Variants in TAF7L observed in about 807,000 individuals in gnomAD.
TAF7L encodes transcription initiation factor TFIID subunit 7-like.
TAF7L carries 6 observed loss-of-function variants against 30.2 expected under a neutral mutation model. The ratio of observed to expected loss-of-function variants is 0.20; its 90% confidence interval spans 0.11 to 0.39. The LOEUF (loss-of-function observed/expected upper bound fraction) is 0.39, where lower values mean the gene tolerates loss of function less well. Among genes scored for constraint, TAF7L ranks in the 10% least tolerant of loss-of-function variants. The pLI is 1.00. For missense variants in TAF7L, 284 were observed against 277.1 expected (o/e 1.03, Z -0.18); for synonymous variants, 93 against 94.5 (o/e 0.98, Z 0.09).
chrX:101,292,908 G>A, upstream of TAF7L: 3 of 1,211,295 alleles, frequency 2.5e-6, no homozygotes, highest in South Asian at 3.5e-5. Context: ...CAATGTCGGC[G>A]CTGCTTTCAT....
intron 12 of TAF7L, among the ~76,000 whole-genome samples, chrX:101,274,008 A>G (rs1002982792): frequency 8.9e-6 from 1 of 111,899 alleles, no homozygotes; most frequent in Non-Finnish European, 1.9e-5. Context: ...ATATTTGTAT[A>G]ATTTGTTTAT....
chrX:101,277,564 C>T (rs185403856), intron 9 of TAF7L, 42 bp downstream of exon 9: 3 of 773,706 alleles, frequency 3.9e-6, no homozygotes, highest in Non-Finnish European at 5.5e-6. Flanking sequence ...CCAGTCAATA[C>T]CTGCCCTATC....
intron 12 of TAF7L, among the ~76,000 whole-genome samples, chrX:101,272,539 T>C (rs1924001591): frequency 9.0e-6 from 1 of 111,403 alleles, no homozygotes; most frequent in Non-Finnish European, 1.9e-5. Flanking sequence ...AAACACCATG[T>C]ATTATATGAT....
At chrX:101,270,153 T>C (rs1473386581) in intron 12 of TAF7L, among the ~76,000 whole-genome samples, 5 of 111,985 alleles carry the variant, frequency 4.5e-5, no homozygotes, top group Non-Finnish European at 9.4e-5. Context: ...AGGATTTACT[T>C]TTTTTTAACT....
chrX:101,278,765 C>T (rs1452260283), intron 7 of TAF7L, among the ~76,000 whole-genome samples: 1 of 111,661 alleles, frequency 9.0e-6, no homozygotes, highest in Non-Finnish European at 1.9e-5. Context: ...TTAGAATACA[C>T]GGGGTCACTG....
intron 1 of TAF7L, among the ~76,000 whole-genome samples, chrX:101,289,691 TCCC>T (rs1451135513): frequency 9.0e-6 from 1 of 110,648 alleles, no homozygotes; most frequent in African/African-American, 3.3e-5. Context: ...CAAGTGATTC[TCCC>T]ATCTCAGCCT....
At chrX:101,289,628 C>T (rs1248851830) in intron 1 of TAF7L, among the ~76,000 whole-genome samples, 1 of 111,042 alleles carries the variant, frequency 9.0e-6, no homozygotes, top group Non-Finnish European at 1.9e-5. Flanking sequence ...TGACCCCAGG[C>T]TGGAGTGCAA....
At chrX:101,278,010 C>T (rs761224504) in intron 8 of TAF7L, 39 bp downstream of exon 8, 49 of 1,145,162 alleles carry the variant, frequency 4.3e-5, no homozygotes, top group Non-Finnish European at 5.7e-5. Context: ...ACAAATGGGG[C>T]AGAACAGACT....
chrX:101,272,030 G>A (rs1923980320), intron 12 of TAF7L, among the ~76,000 whole-genome samples: 1 of 111,153 alleles, frequency 9.0e-6, no homozygotes, highest in Non-Finnish European at 1.9e-5. Flanking sequence ...AGTAGTGCCT[G>A]TACTTCAAGA....
intron 5 of TAF7L, 32 bp downstream of exon 5, chrX:101,282,291 TAGTC>T (rs1302288466): frequency 8.3e-7 from 1 of 1,206,777 alleles, no homozygotes; most frequent in East Asian, 3.0e-5. Context: ...AAATAAATTT[TAGTC>T]AGCAGGAATG....
rs1923870593 is a variant in TAF7L, at chrX:101,268,670, C to T, written c.*523G>A. 1 of 112,010 alleles carries T rather than the reference C, an allele frequency of 8.9e-6. No individual in the cohort carries two copies. Among genetic ancestry groups the T allele is most frequent in the Admixed American group, 9.5e-5 (1 of 10,478 alleles). 9.2% of individuals were successfully genotyped at this position (112,010 alleles called of 1,213,427 possible). ...TAGTAGAAATGACCTCGTTTTTTCC[C>T]CTATGTTTTAGGAAATACTAAAAAC... is the stretch of plus-strand genomic sequence containing the variant. On this transcript the variant is annotated 3_prime_UTR_variant, in exon 13 of 13. Coordinates refer to ENST00000356784, the MANE Select transcript of TAF7L (RefSeq NM_001168474.2).
intron 4 of TAF7L, among the ~76,000 whole-genome samples, chrX:101,282,801 T>C (rs750392516): frequency 8.4e-4 from 94 of 111,404 alleles, no homozygotes; most frequent in African/African-American, 2.7e-3. Context: ...TCTTGCTCTG[T>C]CATACAGGCT....
chrX:101,274,328 C>T (rs912433678), intron 12 of TAF7L, among the ~76,000 whole-genome samples: 10 of 109,558 alleles, frequency 9.1e-5, no homozygotes, highest in African/African-American at 3.3e-4. Context: ...AATCCTCCCA[C>T]CTTAGCGTCC....
At chrX:101,273,446 G>A (rs7391403) in intron 12 of TAF7L, among the ~76,000 whole-genome samples, 40,174 of 109,597 alleles carry the variant, frequency 0.37, 5,329 homozygotes, top group African/African-American at 0.41. Context: ...AAAATTAGCC[G>A]GGCATGGTGG....
chrX:101,279,029 C>A lies in TAF7L; in HGVS notation c.469G>T (p.Asp157Tyr). Reference protein sequence around the residue: ...RFRKTQKKVPDVKEMEKSSFT... With the variant: ...RFRKTQKKVPYVKEMEKSSFT... ...CTGCTTTTTTCCATTTCTTTGACAT[C>A]AGGGACCTATGAAATAAAACACAAT... is the stretch of plus-strand genomic sequence containing the variant. Residue 157 changes from aspartate (D) to tyrosine (Y), a missense_variant, in exon 7 of 13, where the codon GAT becomes TAT. Asp to Tyr is a radical substitution (Grantham distance 160). Coordinates refer to ENST00000356784, the MANE Select transcript of TAF7L (RefSeq NM_001168474.2). 1 of 1,201,628 alleles carries A rather than the reference C, an allele frequency of 8.3e-7. No individual in the cohort carries two copies. Among genetic ancestry groups the A allele is most frequent in the Non-Finnish European group, 1.1e-6 (1 of 887,384 alleles).
chrX:101,280,964 G>A (rs931408309), intron 6 of TAF7L, among the ~76,000 whole-genome samples: 3 of 111,805 alleles, frequency 2.7e-5, no homozygotes, highest in African/African-American at 9.7e-5. Context: ...CAGAGACTGG[G>A]GTGTGAGGTG....
chrX:101,292,234 G>A (rs1362855706), upstream of TAF7L, among the ~76,000 whole-genome samples: 4 of 61,495 alleles, frequency 6.5e-5, no homozygotes, highest in African/African-American at 1.7e-4. Flanking sequence ...GCGAGACTCC[G>A]TCTCAAAAAA....
chrX:101,286,695 C>G, intron 2 of TAF7L, 42 bp from the exon 3 acceptor site: 1 of 1,021,146 alleles, frequency 9.8e-7, no homozygotes, highest in Non-Finnish European at 1.4e-6. Flanking sequence ...AACTAAACAT[C>G]TACTTGGCAG....
intron 12 of TAF7L, among the ~76,000 whole-genome samples, chrX:101,272,798 G>A (rs902925606): frequency 9.0e-6 from 1 of 111,259 alleles, no homozygotes; most frequent in South Asian, 3.8e-4. Context: ...GGGAGGACGG[G>A]GTTTGAGGCA....
Sources: gnomAD v4.1 joint callset for allele counts (sites outside exome capture counted in the v4.1 genomes callset) on GRCh38, gnomAD v4.1.1 for gene constraint, MANE v1.5 for transcripts, NCBI Gene and HGNC (gene_info 2026-07-23, HGNC 2026-07-21) for gene names.